Variants in ASCC3 observed in about 807,000 individuals in gnomAD.
ASCC3 encodes ASC-1 complex subunit P200.
ASCC3 carries 158 observed loss-of-function variants against 256.3 expected under a neutral mutation model. The observed-to-expected ratio is 0.62, with a 90% CI of 0.54 to 0.70. The LOEUF is 0.70. ASCC3 is among the 30% of genes least tolerant of loss of function. The pLI, the probability that ASCC3 is intolerant of heterozygous loss-of-function variation, is 0.00. For missense variants in ASCC3, 2,259 were observed against 2,626.0 expected (o/e 0.86, Z 3.05); for synonymous variants, 948 against 883.4 (o/e 1.07, Z -1.30).
At chr6:100,721,144 C>T (rs933654497) in intron 11 of ASCC3, among the ~76,000 whole-genome samples, 1 of 151,326 alleles carries the variant, frequency 6.6e-6, no homozygotes, top group African/African-American at 2.4e-5. Context: ...TTTTCTTTTT[C>T]TACTGGGGAT....
At chr6:100,536,172 A>G (rs1326779947) in intron 37 of ASCC3, among the ~76,000 whole-genome samples, 2 of 152,220 alleles carry the variant, frequency 1.3e-5, no homozygotes, top group African/African-American at 4.8e-5. Context: ...TAAAACTACA[A>G]CACTGAATAT....
At position 100,652,180 on chromosome 6, in the gene ASCC3, G is replaced by C. The variant is rs78373797; in HGVS notation, c.2989-534C>G. The stretch of plus-strand genomic sequence containing the variant: ...AAGAATGCCTAAAGTTCCTGCAAAA[G>C]AACAGCAAACAGGTTTAGGATATAG... On this transcript the variant is annotated intron_variant, in intron 18 of 41. Coordinates refer to ENST00000369162, the MANE Select transcript of ASCC3 (RefSeq NM_006828.4). 5.1e-3 allele frequency among the ~76,000 whole-genome samples: 781 copies of C among 152,164 alleles called. 6 individuals carry two copies. The highest frequency in any genetic ancestry group is 0.018 in the African/African-American group (751 of 41,528).
Position 100,800,515 on chromosome 6 carries a change from A to T in ASCC3, c.923-11T>A. Reference sequence around the variant, plus strand: ...TTTTTTTACAATTGTCTAAGAAGCAAATTTAAGAAACACAATGTTTTATAA... The same window carrying T: ...TTTTTTTACAATTGTCTAAGAAGCATATTTAAGAAACACAATGTTTTATAA... On this transcript the variant is annotated splice_polypyrimidine_tract_variant and intron_variant, in intron 5 of 41. Transcript: ENST00000369162. 1 of 1,568,496 alleles carries T rather than the reference A, an allele frequency of 6.4e-7. No individual in the cohort carries two copies. The highest frequency in any genetic ancestry group is 8.7e-7 in the Non-Finnish European group (1 of 1,144,302).
At chr6:100,648,235 T>C (rs1775486109) in intron 20 of ASCC3, among the ~76,000 whole-genome samples, 1 of 152,070 alleles carries the variant, frequency 6.6e-6, no homozygotes, top group South Asian at 2.1e-4. Context: ...AATGTAGTCT[T>C]TTTCTTCACA....
chr6:100,589,783 T>C lies in ASCC3; in HGVS notation c.5416-15A>G. On this transcript the variant is annotated splice_polypyrimidine_tract_variant and intron_variant, in intron 35 of 41. Transcript: ENST00000369162. ...CTGCGATTATCCTATTTCAAAAGAATAACAAATGAAGAGTACGATGAAAGT... is the reference window on the plus strand; with the variant it reads ...CTGCGATTATCCTATTTCAAAAGAACAACAAATGAAGAGTACGATGAAAGT... 2 of 1,613,408 alleles carry C rather than the reference T, an allele frequency of 1.2e-6. No individual in the cohort carries two copies. The highest frequency in any genetic ancestry group is 1.7e-6 in the Non-Finnish European group (2 of 1,179,634).
intron 36 of ASCC3, among the ~76,000 whole-genome samples, chr6:100,580,739 C>G (rs903302100): frequency 4.0e-5 from 5 of 125,312 alleles, no homozygotes; most frequent in African/African-American, 1.5e-4. Context: ...CCCCTCCCCC[C>G]ACCCCACAAC....
At chr6:100,864,893 A>G (rs1247400598) in intron 2 of ASCC3, among the ~76,000 whole-genome samples, 1 of 152,186 alleles carries the variant, frequency 6.6e-6, no homozygotes, top group Admixed American at 6.5e-5. Flanking sequence ...TCCACTCTCA[A>G]GAACTGACCA....
chr6:100,525,973 C>T (rs923979396), intron 37 of ASCC3, among the ~76,000 whole-genome samples: 1 of 152,036 alleles, frequency 6.6e-6, no homozygotes, highest in Admixed American at 6.6e-5. Flanking sequence ...ACAGAAAAGC[C>T]ACTCCTTTAA....
At chr6:100,697,425 A>G (rs1778146547) in intron 13 of ASCC3, among the ~76,000 whole-genome samples, 1 of 149,310 alleles carries the variant, frequency 6.7e-6, no homozygotes, top group Non-Finnish European at 1.5e-5. Flanking sequence ...ACAAAAAAAA[A>G]GAGATAATGC....
chr6:100,657,018 A>T (rs1224774509), intron 16 of ASCC3, among the ~76,000 whole-genome samples: 1 of 151,320 alleles, frequency 6.6e-6, no homozygotes, highest in African/African-American at 2.4e-5. Context: ...CCTTCATTAT[A>T]ATTTTAATTA....
intron 10 of ASCC3, among the ~76,000 whole-genome samples, chr6:100,728,946 C>T (rs544830392): frequency 6.6e-6 from 1 of 152,054 alleles, no homozygotes; most frequent in Non-Finnish European, 1.5e-5. Context: ...ATTTTCACAT[C>T]GGATAAAGTC....
At chr6:100,533,869 C>G (rs1294162237) in intron 37 of ASCC3, among the ~76,000 whole-genome samples, 1 of 152,176 alleles carries the variant, frequency 6.6e-6, no homozygotes, top group Non-Finnish European at 1.5e-5. Flanking sequence ...TCAGAGATAT[C>G]AGAGCAAGAA....
intron 16 of ASCC3, among the ~76,000 whole-genome samples, chr6:100,661,325 A>T (rs12526169): frequency 1.8e-5 from 1 of 56,054 alleles, no homozygotes; most frequent in African/African-American, 5.2e-5. Flanking sequence ...CACAAAAGTC[A>T]CACACACACA....
chr6:100,618,785 T>C lies in ASCC3; in HGVS notation c.4785+6407A>G, dbSNP rs115652700. On this transcript the variant is annotated intron_variant, in intron 30 of 41. Coordinates refer to ENST00000369162, the MANE Select transcript of ASCC3 (RefSeq NM_006828.4). The stretch of plus-strand genomic sequence containing the variant: ...ATTCATCTCTGTAAGAACAGGCACT[T>C]ACTTTGGATTTTAATTCTCTTTTCC... Among the ~76,000 whole-genome samples the C allele has an allele frequency of 7.2e-3, 1,093 of 152,288 alleles. 11 individuals carry two copies. The highest frequency in any genetic ancestry group is 0.024 in the African/African-American group (1,018 of 41,560).
rs116110834 is a variant in ASCC3 at position 100,562,651 on chromosome 6, C to T, written c.5551-22264G>A. On this transcript the variant is annotated intron_variant, in intron 36 of 41. Transcript: ENST00000369162. Reference sequence around the variant, plus strand: ...TCTGAAAGAGAGATACTGGTCTTTACGGAAAAGTTTTCTAGTTTTTTTTTC... The same window carrying T: ...TCTGAAAGAGAGATACTGGTCTTTATGGAAAAGTTTTCTAGTTTTTTTTTC... 2.3e-3 allele frequency among the ~76,000 whole-genome samples: 342 copies of T among 151,958 alleles called. 4 individuals are homozygous for T. Among genetic ancestry groups the T allele is most frequent in the African/African-American group, 7.8e-3 (325 of 41,484 alleles).
chr6:100,732,378 T>C (rs1354887008), intron 10 of ASCC3, among the ~76,000 whole-genome samples: 2 of 152,160 alleles, frequency 1.3e-5, no homozygotes, highest in Non-Finnish European at 2.9e-5. Context: ...TGGGGTGTAC[T>C]TTTGGGAAAG....
At chr6:100,740,628 C>G (rs1780390964) in intron 10 of ASCC3, among the ~76,000 whole-genome samples, 1 of 152,174 alleles carries the variant, frequency 6.6e-6, no homozygotes, top group African/African-American at 2.4e-5. Flanking sequence ...GTATTGGACA[C>G]ATATATTTAG....
intron 4 of ASCC3, among the ~76,000 whole-genome samples, chr6:100,824,536 A>G (rs937777646): frequency 2.6e-5 from 4 of 152,168 alleles, no homozygotes; most frequent in African/African-American, 9.7e-5. Context: ...AAGATCAAGA[A>G]CCCTTTCGAA....
At chr6:100,851,727 G>T (rs1772677988) in intron 3 of ASCC3, among the ~76,000 whole-genome samples, 1 of 152,128 alleles carries the variant, frequency 6.6e-6, no homozygotes, top group Non-Finnish European at 1.5e-5. Flanking sequence ...TCATACCACA[G>T]AACAGTTTTT....
Sources: gnomAD v4.1 joint callset for allele counts (sites outside exome capture counted in the v4.1 genomes callset) on GRCh38, gnomAD v4.1.1 for gene constraint, MANE v1.5 for transcripts, NCBI Gene and HGNC (gene_info 2026-07-23, HGNC 2026-07-21) for gene names.